COQ8B: variants seen among roughly 807,000 people sequenced by gnomAD.
COQ8B encodes coenzyme Q8B.
COQ8B carries 44 observed loss-of-function variants against 62.0 expected under a neutral mutation model. The observed-to-expected ratio is 0.71, with a 90% confidence interval of 0.56 to 0.91. COQ8B has a LOEUF of 0.91. COQ8B is among the 40% of genes least tolerant of loss of function. The pLI is 0.00. For synonymous variants in COQ8B, 252 were observed against 289.9 expected, an observed-to-expected ratio of 0.87 and a Z score of 1.33; for missense variants, 649 against 731.6, an observed-to-expected ratio of 0.89 and a Z score of 1.30.
intron 13 of COQ8B, among the ~76,000 whole-genome samples, chr19:40,694,463 G>A (rs752035674): frequency 2.0e-5 from 3 of 152,158 alleles, no homozygotes; most frequent in Admixed American, 6.5e-5. Flanking sequence ...CTGCAGCCTC[G>A]TCACTGTGCT....
chr19:40,708,731 C>A (rs557995694), intron 5 of COQ8B, among the ~76,000 whole-genome samples: 2 of 151,790 alleles, frequency 1.3e-5, no homozygotes, highest in Admixed American at 1.3e-4. Flanking sequence ...AGTTCCAGAC[C>A]GGCCTGGGCA....
chr19:40,714,403 A>G lies in COQ8B; in HGVS notation c.103-6T>C. 1.9e-6 allele frequency: 3 copies of G among 1,613,342 alleles called. No homozygotes were observed. Among genetic ancestry groups the G allele is most frequent in the Non-Finnish European group, 2.5e-6 (3 of 1,179,606 alleles). On this transcript the variant is annotated splice_polypyrimidine_tract_variant and splice_region_variant and intron_variant, in intron 2 of 14. Coordinates refer to ENST00000324464, the MANE Select transcript of COQ8B (RefSeq NM_024876.4). The stretch of plus-strand genomic sequence containing the variant: ...CAAGAACCTCCACATGGTCCCTGCA[A>G]GAGATATACTTTGATAAGGAGGGGA...
In COQ8B at chr19:40,714,056, G is replaced by C; in HGVS notation, c.289+11C>G. The C allele has an allele frequency of 2.5e-6, 4 of 1,614,028 alleles. No individual in the cohort carries two copies. The highest frequency in any genetic ancestry group is 3.4e-6 in the Non-Finnish European group (4 of 1,179,992). Reference sequence around the variant, plus strand: ...TGAGGTCACACCAAGATCCCCCAAAGTCACACCTACCCCCAAAGTTGGCCA... The same window carrying C: ...TGAGGTCACACCAAGATCCCCCAAACTCACACCTACCCCCAAAGTTGGCCA... On this transcript the variant is annotated intron_variant, in intron 4 of 14. Transcript: ENST00000324464.
chr19:40,700,288 A>G, intron 11 of COQ8B, 22 bp downstream of exon 11: 1 of 1,611,380 alleles, frequency 6.2e-7, no homozygotes, highest in Non-Finnish European at 8.5e-7. Flanking sequence ...TGCCCTTCCC[A>G]CTGTGCCACC....
At chr19:40,711,131 C>CAA (rs10586544) in intron 4 of COQ8B, among the ~76,000 whole-genome samples, 2 of 134,366 alleles carry the variant, frequency 1.5e-5, no homozygotes, top group Non-Finnish European at 3.2e-5. Context: ...AACTCCGTCT[C>CAA]AAAAAAAAAA....
chr19:40,696,100 C>T (rs1386601670), intron 12 of COQ8B, 46 bp from the exon 13 acceptor site: 1 of 1,588,460 alleles, frequency 6.3e-7, no homozygotes, highest in Non-Finnish European at 8.6e-7. Context: ...CCCATTCACA[C>T]CCTCACTGTC....
rs2144702668 is a variant in COQ8B at position 40,705,389 on chromosome 19, A to G, written c.426T>C (p.Ile142=). ...CTCGAACTGTACATAAGGTCTGCAC[A>G]ATCCGCTCGGCATTGGCCTCCGACA... ...PFLSEANAER[I]VQTLCTVRGA... The change falls in exon 6 of 15, where the codon ATT becomes ATC. Residue 142 remains isoleucine, a synonymous_variant. Coordinates refer to ENST00000324464, the MANE Select transcript of COQ8B (RefSeq NM_024876.4). 1 of 1,596,630 alleles carries G rather than the reference A, an allele frequency of 6.3e-7. No individual in the cohort carries two copies. The highest frequency in any genetic ancestry group is 2.3e-5 in the East Asian group (1 of 44,200).
intron 5 of COQ8B, among the ~76,000 whole-genome samples, chr19:40,708,680 C>A (rs1402880169): frequency 6.6e-6 from 1 of 151,964 alleles, no homozygotes; most frequent in Non-Finnish European, 1.5e-5. Context: ...GTAATCCCAG[C>A]ACTTTGGGAG....
intron 10 of COQ8B, chr19:40,701,324 G>A (rs990987372): frequency 4.6e-5 from 7 of 152,188 alleles, no homozygotes; most frequent in African/African-American, 1.2e-4. Flanking sequence ...GCGAGACCCT[G>A]TCTCAAAAAA....
In COQ8B at chr19:40,696,117, G is replaced by A. The variant is rs1260231795; in HGVS notation, c.1144-63C>T. 23 of 1,562,520 alleles carry A rather than the reference G, an allele frequency of 1.5e-5. No individual in the cohort carries two copies. The South Asian group carries it at 2.3e-4, about 16-fold the overall frequency. ...CATTCACACCCTCACTGTCTATTGGGGCAGCCAGGATCTGTCTCCCTCCCC... is the reference window on the plus strand; with the variant it reads ...CATTCACACCCTCACTGTCTATTGGAGCAGCCAGGATCTGTCTCCCTCCCC... On this transcript the variant is annotated intron_variant, in intron 12 of 14. Coordinates refer to ENST00000324464, the MANE Select transcript of COQ8B (RefSeq NM_024876.4).
chr19:40,709,560 T>C (rs1422052033), intron 5 of COQ8B, among the ~76,000 whole-genome samples: 1 of 152,192 alleles, frequency 6.6e-6, no homozygotes, highest in Non-Finnish European at 1.5e-5. Context: ...GATAATCTAA[T>C]ATGTGGCTGG....
Position 40,714,475 on chromosome 19 carries a change from C to A in COQ8B, c.102+56G>T. On this transcript the variant is annotated intron_variant, in intron 2 of 14. Coordinates refer to ENST00000324464, the MANE Select transcript of COQ8B (RefSeq NM_024876.4). ...TTCTGGACCCCTCCTGTCCTTTTAC[C>A]CTCTGAAGTCTCCCTCAGCCTCTTC... 13 of 1,613,578 alleles carry A rather than the reference C, an allele frequency of 8.1e-6. No homozygotes were observed. The South Asian group carries it at 1.3e-4, about 16-fold the overall frequency.
intron 4 of COQ8B, among the ~76,000 whole-genome samples, chr19:40,713,525 G>C (rs1399977156): frequency 6.6e-6 from 1 of 150,958 alleles, no homozygotes; most frequent in Non-Finnish European, 1.5e-5. Context: ...CTCCAGCCTG[G>C]GTGACAGAGG....
At chr19:40,714,423 AG>A (rs2082168459) in intron 2 of COQ8B, 26 bp from the exon 3 acceptor site, 1 of 1,612,474 alleles carries the variant, frequency 6.2e-7, no homozygotes, top group African/African-American at 1.3e-5. Flanking sequence ...TTTGATAAGG[AG>A]GGGAGGACAT....
chr19:40,712,819 C>T (rs1347613063), intron 4 of COQ8B, among the ~76,000 whole-genome samples: 1 of 152,210 alleles, frequency 6.6e-6, no homozygotes, highest in Admixed American at 6.5e-5. Flanking sequence ...CAAGTGACCT[C>T]CCCTTTGTTA....
chr19:40,714,950 C>T (rs1261746603), intron 1 of COQ8B: 2 of 1,116,254 alleles, frequency 1.8e-6, no homozygotes, highest in East Asian at 6.3e-5. Flanking sequence ...TTGCTATGCA[C>T]CGCCTTCCCC....
rs369573693 is a variant in COQ8B, at chr19:40,700,387, G to A, written c.958C>T (p.Arg320Trp). The A allele has an allele frequency of 1.7e-5, 28 of 1,614,076 alleles. No individual in the cohort carries two copies. Among genetic ancestry groups the A allele is most frequent in the African/African-American group, 5.3e-5 (4 of 74,956 alleles). The part of the protein sequence containing the change: ...PAVVKELCTT[R>W]VLGMELAGGV... The stretch of plus-strand genomic sequence containing the variant: ...CCAGCCAGCTCCATGCCCAGCACCC[G>A]TGTCGTGCACAGCTCCTTAACCACG... Residue 320 changes from arginine to tryptophan, a missense_variant, in exon 11 of 15, where the codon CGG (arginine) becomes TGG (tryptophan). Transcript: ENST00000324464.
In COQ8B at chr19:40,715,093, C is replaced by G. The variant is rs535378935; in HGVS notation, c.-3-458G>C. ...TCCGAGTCCGCAACCTGCTGGGGCC[C>G]TCCTGTGCTTCCGGGAGCCTCTGTA... On this transcript the variant is annotated intron_variant, in intron 1 of 14. Transcript: ENST00000324464. 1.1e-3 allele frequency: 1,060 copies of G among 988,508 alleles called. 9 individuals carry two copies. The African/African-American group carries it at 0.018, about 16-fold the overall frequency. 61.2% of individuals were successfully genotyped at this position (988,508 alleles called of 1,614,324 possible).
chr19:40,692,196 G>A lies in COQ8B; in HGVS notation c.1474C>T (p.Leu492=). The change falls in exon 15 of 15, where the codon CTG becomes TTG. Residue 492 remains leucine (L), a synonymous_variant. Coordinates refer to ENST00000324464, the MANE Select transcript of COQ8B (RefSeq NM_024876.4). ...PEETYALHRK[L]AGAFLACAHL... ...GCACAGGCCAGGAAAGCCCCTGCCA[G>A]CTTGCGGTGCAGGGCATAGGTCTCC... is the stretch of plus-strand genomic sequence containing the variant. 1 of 1,598,632 alleles carries A rather than the reference G, an allele frequency of 6.3e-7. No individual in the cohort carries two copies. The highest frequency in any genetic ancestry group is 8.5e-7 in the Non-Finnish European group (1 of 1,172,652).
Sources: allele counts gnomAD v4.1 joint callset (sites outside exome capture counted in the v4.1 genomes callset), GRCh38; gene constraint gnomAD v4.1.1; transcripts MANE v1.5; gene names NCBI Gene and HGNC (gene_info 2026-07-23, HGNC 2026-07-21).